Variants in KCNMB2 observed in about 807,000 individuals in gnomAD.
KCNMB2 encodes the protein calcium-activated potassium channel subunit beta-2.
A neutral mutation model predicts 24.5 loss-of-function variants in KCNMB2; 9 were observed. That is an observed-to-expected ratio of 0.37 (90% CI 0.22 to 0.64). The LOEUF is 0.64. KCNMB2 is among the 30% of genes least tolerant of loss of function. The probability of loss-of-function intolerance (pLI) is 0.63; values close to 1 mark genes in which losing one functional copy is unlikely to be tolerated. For synonymous variants in KCNMB2, 109 were observed against 104.4 expected, an observed-to-expected ratio of 1.04 and a Z score of -0.27; for missense variants, 226 against 284.3, an observed-to-expected ratio of 0.79 and a Z score of 1.47.
At position 178,842,636 on chromosome 3, in the gene KCNMB2, T is replaced by G; in HGVS notation, c.424-17T>G. On this transcript the variant is annotated splice_polypyrimidine_tract_variant and intron_variant, in intron 4 of 4. Transcript: ENST00000452583. ...CACATAGTATCTTCTAGTAACAGTT[T>G]ATCTTATTCTCCACAGTGCTCCTAT... is the stretch of plus-strand genomic sequence containing the variant. 1 of 1,546,994 alleles carries G rather than the reference T, an allele frequency of 6.5e-7. No homozygotes were observed. The highest frequency in any genetic ancestry group is 8.9e-7 in the Non-Finnish European group (1 of 1,125,686).
intron 1 of KCNMB2, among the ~76,000 whole-genome samples, chr3:178,644,234 A>G (rs1215330901): frequency 6.6e-6 from 1 of 152,236 alleles, no homozygotes; most frequent in Non-Finnish European, 1.5e-5. Flanking sequence ...CTAGATAGAA[A>G]GGAAGCAAGA....
rs183853757 is a variant in KCNMB2, at chr3:178,816,324, C to T, written c.56+8859C>T. The stretch of plus-strand genomic sequence containing the variant: ...TCAATATTTTCTTTCCAATCCATAC[C>T]TTATCTGTAGTTATAGTTTTTAATT... On this transcript the variant is annotated intron_variant, in intron 2 of 4. Transcript: ENST00000452583. Among the ~76,000 whole-genome samples, 10 of 151,910 alleles carry T rather than the reference C, an allele frequency of 6.6e-5. 1 individual carries two copies. In the East Asian group the frequency reaches 1.9e-3, roughly 29 times the overall value.
rs189316026 is a variant in KCNMB2 at position 178,759,457 on chromosome 3, A to C, written c.-67-47886A>C. On this transcript the variant is annotated intron_variant, in intron 1 of 4. Coordinates refer to ENST00000452583, the MANE Select transcript of KCNMB2 (RefSeq NM_181361.3). ...AGGATATATATATATATATATATAT[A>C]TCTCCAAGAGGATATATATATATAT... Among the ~76,000 whole-genome samples, 140 of 45,522 alleles carry C rather than the reference A, an allele frequency of 3.1e-3. 14 individuals are homozygous for C. Among genetic ancestry groups the C allele is most frequent in the South Asian group, 0.017 (24 of 1,406 alleles). The allele number at this position is 45,522 out of a possible 152,430, so 29.9% of individuals were successfully genotyped here. A position where few individuals can be genotyped will look rare whatever the true frequency, so the allele number is the denominator to read the frequency against.
intron 1 of KCNMB2, among the ~76,000 whole-genome samples, chr3:178,760,188 C>A (rs866534923): frequency 4.5e-4 from 6 of 13,280 alleles, no homozygotes; most frequent in Admixed American, 1.0e-3. Context: ...GAGGATATAT[C>A]TATATATATA....
chr3:178,679,058 GT>G lies in KCNMB2; in HGVS notation c.-67-128277del, dbSNP rs11337000. ...TTTGTTTGTTTTTTGTTTTGTTTTT[GT>G]TTTTTTTATTATACTTTAAGTTTTA... On this transcript the variant is annotated intron_variant, in intron 1 of 4. Transcript: ENST00000452583. Among the ~76,000 whole-genome samples the G allele has an allele frequency of 8.0e-3, 1,198 of 149,516 alleles. 22 individuals are homozygous for G. Among genetic ancestry groups the G allele is most frequent in the African/African-American group, 0.027 (1,114 of 40,542 alleles).
chr3:178,604,939 T>C (rs1373311628), intron 1 of KCNMB2, among the ~76,000 whole-genome samples: 1 of 152,210 alleles, frequency 6.6e-6, no homozygotes. Flanking sequence ...TGTGATATAA[T>C]AGCTTATGAC....
intron 1 of KCNMB2, among the ~76,000 whole-genome samples, chr3:178,660,997 T>TATG (rs1346857393): frequency 6.6e-6 from 1 of 150,922 alleles, no homozygotes; most frequent in Non-Finnish European, 1.5e-5. Context: ...ATATATATAT[T>TATG]ATTATTATAT....
chr3:178,631,564 T>C (rs1290168376), intron 1 of KCNMB2, among the ~76,000 whole-genome samples: 2 of 152,166 alleles, frequency 1.3e-5, no homozygotes, highest in East Asian at 1.9e-4. Flanking sequence ...GGGGGGTCGA[T>C]GGATGGGCAG....
chr3:178,679,133 G>GT (rs1721179716), intron 1 of KCNMB2, among the ~76,000 whole-genome samples: 1 of 151,538 alleles, frequency 6.6e-6, no homozygotes, highest in South Asian at 2.1e-4. Flanking sequence ...ATATTTATCA[G>GT]TTTTTTTATT....
intron 1 of KCNMB2, among the ~76,000 whole-genome samples, chr3:178,710,296 A>ATTCAC (rs1722407699): frequency 6.6e-6 from 1 of 152,138 alleles, no homozygotes; most frequent in African/African-American, 2.4e-5. Flanking sequence ...CCAGAGGTAT[A>ATTCAC]TTCACTTCTG....
intron 1 of KCNMB2, among the ~76,000 whole-genome samples, chr3:178,744,575 C>A (rs1480571869): frequency 2.0e-5 from 3 of 152,192 alleles, no homozygotes; most frequent in East Asian, 3.8e-4. Flanking sequence ...GAACAAAAAT[C>A]TTTGACAAAC....
intron 2 of KCNMB2, among the ~76,000 whole-genome samples, chr3:178,823,364 G>A (rs781606602): frequency 1.8e-3 from 278 of 152,290 alleles, no homozygotes; most frequent in Middle Eastern, 3.4e-3. Flanking sequence ...CCAAGAGCAA[G>A]TGAGAGTGGG....
intron 1 of KCNMB2, among the ~76,000 whole-genome samples, chr3:178,804,117 T>C (rs1042813138): frequency 1.3e-5 from 2 of 152,240 alleles, no homozygotes; most frequent in African/African-American, 4.8e-5. Flanking sequence ...ATCTCTGTTT[T>C]ACGTGAGGAT....
intron 1 of KCNMB2, among the ~76,000 whole-genome samples, chr3:178,789,069 C>T (rs1713221253): frequency 6.6e-6 from 1 of 152,142 alleles, no homozygotes; most frequent in African/African-American, 2.4e-5. Context: ...TGCAGTTTAC[C>T]ATTGCTCAGT....
intron 3 of KCNMB2, among the ~76,000 whole-genome samples, chr3:178,827,869 G>C (rs1577219591): frequency 1.3e-5 from 2 of 152,170 alleles, no homozygotes; most frequent in Admixed American, 1.3e-4. Context: ...GACAGGTGAT[G>C]ATTTTAAAGT....
At chr3:178,577,060 C>T (rs1222477198) in intron 1 of KCNMB2, among the ~76,000 whole-genome samples, 2 of 152,150 alleles carry the variant, frequency 1.3e-5, no homozygotes, top group Non-Finnish European at 2.9e-5. Context: ...AGACACCTCC[C>T]AGCAGGTTGA....
chr3:178,633,604 C>T (rs1268498870), intron 1 of KCNMB2, among the ~76,000 whole-genome samples: 4 of 152,180 alleles, frequency 2.6e-5, no homozygotes, highest in Non-Finnish European at 5.9e-5. Flanking sequence ...GGGTGGGCAC[C>T]TGTACCTGCC....
chr3:178,567,612 T>C (rs529588566), intron 1 of KCNMB2, among the ~76,000 whole-genome samples: 7 of 150,082 alleles, frequency 4.7e-5, no homozygotes, highest in South Asian at 2.1e-4. Context: ...ATTCTAACAA[T>C]AAAGAAAAAA....
intron 1 of KCNMB2, among the ~76,000 whole-genome samples, chr3:178,683,748 G>T (rs1159698145): frequency 6.6e-6 from 1 of 152,064 alleles, no homozygotes; most frequent in Non-Finnish European, 1.5e-5. Flanking sequence ...GATTTTCCAG[G>T]CTTGTCAAAT....
Sources: allele counts gnomAD v4.1 joint callset (sites outside exome capture counted in the v4.1 genomes callset), GRCh38; gene constraint gnomAD v4.1.1; transcripts MANE v1.5; gene names NCBI Gene and HGNC (gene_info 2026-07-23, HGNC 2026-07-21).